Variants in ADAMTSL1 observed in about 807,000 individuals in gnomAD.
The protein encoded by ADAMTSL1 is ADAMTS-like protein 1.
A neutral mutation model predicts 201.8 loss-of-function variants in ADAMTSL1; 126 were observed. The observed-to-expected ratio is 0.62, with a 90% CI of 0.54 to 0.72. The LOEUF (loss-of-function observed/expected upper bound fraction) is 0.72, where lower values mean the gene tolerates loss of function less well. Among genes scored for constraint, ADAMTSL1 ranks in the 30% least tolerant of loss-of-function variants. ADAMTSL1 has a pLI of 0.00. For missense variants in ADAMTSL1, 2,679 were observed against 2,277.8 expected (o/e 1.18, Z -3.59); for synonymous variants, 1,121 against 903.4 (o/e 1.24, Z -4.32).
intron 1 of ADAMTSL1, among the ~76,000 whole-genome samples, chr9:18,042,087 A>G (rs923617954): frequency 3.5e-5 from 5 of 143,234 alleles, no homozygotes; most frequent in African/African-American, 1.4e-4. Context: ...GTGAGTTGTA[A>G]TTGCTGGGAA....
chr9:18,645,601 A>G (rs958715435), intron 7 of ADAMTSL1, among the ~76,000 whole-genome samples: 1 of 151,904 alleles, frequency 6.6e-6, no homozygotes, highest in Admixed American at 6.6e-5. Flanking sequence ...TCAGCTTTCT[A>G]CGTGTGGCTA....
At chr9:18,881,873 C>T (rs1828556560) in intron 23 of ADAMTSL1, among the ~76,000 whole-genome samples, 1 of 152,164 alleles carries the variant, frequency 6.6e-6, no homozygotes, top group Non-Finnish European at 1.5e-5. Context: ...CCCTTCGAAG[C>T]ATCTCTACCC....
intron 23 of ADAMTSL1, among the ~76,000 whole-genome samples, chr9:18,858,431 T>G (rs781538447): frequency 4.6e-5 from 7 of 152,208 alleles, no homozygotes; most frequent in Non-Finnish European, 8.8e-5. Context: ...CGGCTCCCTG[T>G]CTCCCTATGA....
chr9:18,010,448 A>G (rs1400045093), intron 1 of ADAMTSL1, among the ~76,000 whole-genome samples: 1 of 152,046 alleles, frequency 6.6e-6, no homozygotes, highest in Non-Finnish European at 1.5e-5. Context: ...TTGAAGAACA[A>G]ATAGTCTAAT....
intron 1 of ADAMTSL1, among the ~76,000 whole-genome samples, chr9:18,137,073 G>A (rs1826188427): frequency 6.6e-6 from 1 of 152,128 alleles, no homozygotes; most frequent in Non-Finnish European, 1.5e-5. Context: ...CAGATCAGAT[G>A]AGGGTGGACA....
chr9:18,847,236 T>C (rs1217582636), intron 23 of ADAMTSL1, among the ~76,000 whole-genome samples: 2 of 151,956 alleles, frequency 1.3e-5, no homozygotes, highest in Non-Finnish European at 2.9e-5. Flanking sequence ...CTTTCTTTGA[T>C]GAAAGGGTAA....
rs1332088207 is a variant in ADAMTSL1 at position 18,892,454 on chromosome 9, T to A, written c.4709T>A (p.Val1570Glu). The change falls in exon 26 of 29, where the codon GTG (valine) becomes GAG (glutamate). Residue 1570 changes from valine to glutamate, a missense_variant. Physicochemically the swap from Val to Glu is moderately radical, Grantham distance 121. Transcript: ENST00000380548. The part of the protein sequence containing the change: ...SCGGGVQTRR[V>E]TCQKLKASGI... Reference sequence around the variant, plus strand: ...GGGGGAGGTGTCCAGACCCGCAGGGTGACCTGTCAAAAGCTGAAAGCCTCT... The same window carrying A: ...GGGGGAGGTGTCCAGACCCGCAGGGAGACCTGTCAAAAGCTGAAAGCCTCT... 1 of 1,613,224 alleles carries A rather than the reference T, an allele frequency of 6.2e-7. No individual in the cohort carries two copies. Among genetic ancestry groups the A allele is most frequent in the East Asian group, 2.2e-5 (1 of 44,858 alleles).
intron 1 of ADAMTSL1, among the ~76,000 whole-genome samples, chr9:17,977,874 T>C (rs972759111): frequency 1.3e-5 from 2 of 152,082 alleles, no homozygotes; most frequent in Non-Finnish European, 1.5e-5. Context: ...ATCCAATGTT[T>C]CCTTGTTGAT....
At chr9:18,587,357 T>C (rs1333392098) in intron 4 of ADAMTSL1, among the ~76,000 whole-genome samples, 6 of 152,082 alleles carry the variant, frequency 3.9e-5, no homozygotes, top group African/African-American at 1.4e-4. Context: ...TAAAAAAAGC[T>C]CAATATCATT....
chr9:18,255,927 C>G (rs1395646590), intron 2 of ADAMTSL1, among the ~76,000 whole-genome samples: 2 of 152,198 alleles, frequency 1.3e-5, no homozygotes, highest in Non-Finnish European at 2.9e-5. Context: ...TGATTGTGGT[C>G]TTGTTTCTCA....
chr9:18,777,765 C>T lies in ADAMTSL1; in HGVS notation c.3536C>T (p.Ser1179Leu), dbSNP rs542298320. 4 of 1,613,598 alleles carry T rather than the reference C, an allele frequency of 2.5e-6. No homozygotes were observed. The African/African-American group carries it at 4.0e-5, about 16-fold the overall frequency. ...TCAGCGGCCCAGCAGCTCTCAGCCTCGGAGGTGGTCACCCACCTGGGGCAG... is the reference window on the plus strand; with the variant it reads ...TCAGCGGCCCAGCAGCTCTCAGCCTTGGAGGTGGTCACCCACCTGGGGCAG... ...KISAAQQLSA[S>L]EVVTHLGQTV... is the part of the protein sequence containing the mutation. The change falls in exon 19 of 29, where the codon TCG becomes TTG. Residue 1179 changes from serine (S) to leucine (L), a missense_variant. Physicochemically the swap from Ser to Leu is moderately radical, Grantham distance 145. Coordinates refer to ENST00000380548, the MANE Select transcript of ADAMTSL1 (RefSeq NM_001040272.6).
intron 1 of ADAMTSL1, among the ~76,000 whole-genome samples, chr9:18,080,235 G>A (rs1823432445): frequency 1.3e-5 from 2 of 152,174 alleles, no homozygotes; most frequent in South Asian, 2.1e-4. Context: ...TGATCACAAA[G>A]TTGGTAGAAA....
At chr9:18,482,204 C>A (rs777790927) in intron 1 of ADAMTSL1, among the ~76,000 whole-genome samples, 36 of 152,122 alleles carry the variant, frequency 2.4e-4, no homozygotes, top group African/African-American at 7.7e-4. Flanking sequence ...GAACATATGC[C>A]GTTTATAATA....
chr9:18,638,463 AC>A (rs1265325629), intron 6 of ADAMTSL1, among the ~76,000 whole-genome samples: 3 of 151,882 alleles, frequency 2.0e-5, no homozygotes, highest in Admixed American at 2.0e-4. Flanking sequence ...GTTCTAAATC[AC>A]CCCTCAGTCA....
In ADAMTSL1 at chr9:18,826,341, A is replaced by G. The variant is rs1419740661; in HGVS notation, c.3992A>G (p.His1331Arg). The G allele has an allele frequency of 6.2e-7, 1 of 1,613,264 alleles. No homozygotes were observed. The highest frequency in any genetic ancestry group is 8.5e-7 in the Non-Finnish European group (1 of 1,179,754). ...AATAAAAGCAAACTGGGCTCCCCGC[A>G]CCATCTGCACGAAGGCTCCTTGCTG... ...FRNKSKLGSP[H>R]HLHEGSLLLT... Residue 1331 changes from histidine (H) to arginine (R), a missense_variant, in exon 22 of 29, where the codon CAC (histidine) becomes CGC (arginine). His to Arg is a conservative substitution (Grantham distance 29). Coordinates refer to ENST00000380548, the MANE Select transcript of ADAMTSL1 (RefSeq NM_001040272.6).
At chr9:17,947,570 T>C (rs759033513) in intron 1 of ADAMTSL1, among the ~76,000 whole-genome samples, 1 of 152,158 alleles carries the variant, frequency 6.6e-6, no homozygotes, top group Non-Finnish European at 1.5e-5. Flanking sequence ...GAATTTGCAA[T>C]TGCAGTTGCA....
At chr9:18,876,443 G>A (rs1040094741) in intron 23 of ADAMTSL1, among the ~76,000 whole-genome samples, 6 of 151,958 alleles carry the variant, frequency 3.9e-5, no homozygotes, top group African/African-American at 7.3e-5. Context: ...TTGCAGTGCC[G>A]ACTTGGTAGT....
At chr9:18,443,272 C>A (rs971619624) in intron 2 of ADAMTSL1, among the ~76,000 whole-genome samples, 1 of 152,224 alleles carries the variant, frequency 6.6e-6, no homozygotes, top group African/African-American at 2.4e-5. Context: ...ACTGTTCTAG[C>A]TTTCCTGTTG....
At chr9:18,676,759 TG>T (rs1564141391) in intron 10 of ADAMTSL1, among the ~76,000 whole-genome samples, 2 of 152,078 alleles carry the variant, frequency 1.3e-5, no homozygotes, top group Admixed American at 1.3e-4. Flanking sequence ...AGATCATAAA[TG>T]GTTGGAGTAA....
Sources: gnomAD v4.1 joint callset for allele counts (sites outside exome capture counted in the v4.1 genomes callset) on GRCh38, gnomAD v4.1.1 for gene constraint, MANE v1.5 for transcripts, NCBI Gene and HGNC (gene_info 2026-07-23, HGNC 2026-07-21) for gene names.